MFRP: variants seen among roughly 807,000 people sequenced by gnomAD.
The protein encoded by MFRP is membrane frizzled-related protein.
In MFRP, 74 loss-of-function variants were observed where a neutral mutation model predicts 65.8. The ratio of observed to expected loss-of-function variants is 1.12; its 90% CI spans 0.93 to 1.36. The LOEUF is 1.36. Ranked by LOEUF, MFRP falls within the 40% of genes most tolerant of loss-of-function variation. MFRP has a pLI of 0.00. For synonymous variants in MFRP, 336 were observed against 288.3 expected (o/e 1.17, Z -1.68); for missense variants, 838 against 736.0 (o/e 1.14, Z -1.60).
chr11:119,339,481 C>T lies in MFRP; in HGVS notation c.*1478G>A, dbSNP rs759871657. ...CCTCAGGCTCCAGCCTCACCATGGC[C>T]CCCCCCGAGAGCGAGGCTGGCTTGG... On this transcript the variant is annotated 3_prime_UTR_variant, in exon 15 of 15. Coordinates refer to ENST00000619721, the MANE Select transcript of MFRP (RefSeq NM_031433.4). The surrounding 1 kb of genome is among the most constrained non-coding windows in gnomAD (Gnocchi z 5.4). 2 of 1,613,748 alleles carry T rather than the reference C, an allele frequency of 1.2e-6. No individual in the cohort carries two copies. The highest frequency in any genetic ancestry group is 1.7e-6 in the Non-Finnish European group (2 of 1,179,990).
In MFRP at chr11:119,339,243, A is replaced by G; in HGVS notation, c.*1716T>C. On this transcript the variant is annotated 3_prime_UTR_variant, in exon 15 of 15. Transcript: ENST00000619721. This position sits in a 1 kb window ranked among gnomAD's most constrained non-coding sequence, Gnocchi z 5.4. ...CCTCCCTAGTCATTCACAATATTCC[A>G]GGGGGGCCAGCCCTCCTGGATGACC... 1 of 1,458,096 alleles carries G rather than the reference A, an allele frequency of 6.9e-7. No homozygotes were observed. The highest frequency in any genetic ancestry group is 9.3e-7 in the Non-Finnish European group (1 of 1,069,814). The allele number at this position is 1,458,096 out of a possible 1,614,324, so 90.3% of individuals were successfully genotyped here. A position where few individuals can be genotyped will look rare whatever the true frequency, so the allele number is the denominator to read the frequency against.
At position 119,339,229 on chromosome 11, in the gene MFRP, A is replaced by G; in HGVS notation, c.*1730T>C. The G allele has an allele frequency of 7.5e-7, 1 of 1,333,164 alleles. No individual in the cohort carries two copies. Among genetic ancestry groups the G allele is most frequent in the Non-Finnish European group, 1.0e-6 (1 of 965,272 alleles). 82.6% of individuals were successfully genotyped at this position (1,333,164 alleles called of 1,614,324 possible). On this transcript the variant is annotated 3_prime_UTR_variant, in exon 15 of 15. Coordinates refer to ENST00000619721, the MANE Select transcript of MFRP (RefSeq NM_031433.4). The surrounding 1 kb of genome is among the most constrained non-coding windows in gnomAD (Gnocchi z 5.4). ...AGTGCTCTACCCCACCTCCCTAGTC[A>G]TTCACAATATTCCAGGGGGGCCAGC...
In MFRP at chr11:119,341,617, G is replaced by T. The variant is rs1442940491; in HGVS notation, c.1671C>A (p.Gly557=). 2 of 1,612,848 alleles carry T rather than the reference G, an allele frequency of 1.2e-6. No individual in the cohort carries two copies. Among genetic ancestry groups the T allele is most frequent in the Non-Finnish European group, 1.7e-6 (2 of 1,180,012 alleles). The change falls in exon 13 of 15, where the codon GGC becomes GGA. Residue 557 remains glycine, a synonymous_variant. Transcript: ENST00000619721. ...TGTTGCAGTTGAAGGGCCAGGGGGT[G>T]CCCAGTAGTGCCAGGCCAGACTGGC... is the stretch of plus-strand genomic sequence containing the variant. ...HQCQSGLALL[G]TPWPFNCNRL...
rs1565291857 is a variant in MFRP, at chr11:119,340,714, A to G, written c.*834T>C. 2 of 387,952 alleles carry G rather than the reference A, an allele frequency of 5.2e-6. No individual in the cohort carries two copies. The highest frequency in any genetic ancestry group is 9.3e-6 in the Non-Finnish European group (2 of 216,054). The allele number at this position is 387,952 out of a possible 1,614,324, so 24.0% of individuals were successfully genotyped here. On this transcript the variant is annotated 3_prime_UTR_variant, in exon 13 of 15. Coordinates refer to ENST00000619721, the MANE Select transcript of MFRP (RefSeq NM_031433.4). ...ACTCACCCCCCCTCCCGGCTCCCCGATGGCCTCCTTCGGGGCGCTCGCTAC... is the reference window on the plus strand; with the variant it reads ...ACTCACCCCCCCTCCCGGCTCCCCGGTGGCCTCCTTCGGGGCGCTCGCTAC...
chr11:119,343,705 G>C, intron 9 of MFRP, 111 bp downstream of exon 9: 1 of 1,375,360 alleles, frequency 7.3e-7, no homozygotes, highest in Non-Finnish European at 1.0e-6. Context: ...CCGGCCTGGA[G>C]TAGCAGAAGA....
chr11:119,340,332 G>A lies in MFRP; in HGVS notation c.*962C>T, dbSNP rs761587369. On this transcript the variant is annotated 3_prime_UTR_variant, in exon 14 of 15. Transcript: ENST00000619721. ...GCCCCGGGCAGAGGCTGGGGATCTT[G>A]TTGTCGTCCAGTGGGGGCGAGCCGG... 2.7e-5 allele frequency: 41 copies of A among 1,543,190 alleles called. No individual in the cohort carries two copies. Among genetic ancestry groups the A allele is most frequent in the Non-Finnish European group, 3.5e-5 (40 of 1,145,152 alleles).
intron 14 of MFRP, among the ~76,000 whole-genome samples, 165 bp from the exon 15 acceptor site, chr11:119,340,013 G>A (rs1410935702): frequency 6.6e-6 from 1 of 152,196 alleles, no homozygotes; most frequent in Non-Finnish European, 1.5e-5. Context: ...GCAGATCTGG[G>A]GGGCTGGCCA....
chr11:119,341,514 A>T lies in MFRP; in HGVS notation c.*34T>A, dbSNP rs1950502156. 6.4e-7 allele frequency: 1 copy of T among 1,567,010 alleles called. No individual in the cohort carries two copies. The highest frequency in any genetic ancestry group is 1.4e-5 in the African/African-American group (1 of 73,926). On this transcript the variant is annotated 3_prime_UTR_variant, in exon 13 of 15. Transcript: ENST00000619721. Reference sequence around the variant, plus strand: ...TGCCAGCCCTGACCGGCAAAAGAGGACGGGCAGGAAGAGGGCAGGGGCCGG... The same window carrying T: ...TGCCAGCCCTGACCGGCAAAAGAGGTCGGGCAGGAAGAGGGCAGGGGCCGG...
Position 119,341,384 on chromosome 11 carries a change from A to C in MFRP, c.*164T>G. 9.6e-6 allele frequency: 6 copies of C among 625,062 alleles called. No individual in the cohort carries two copies. The highest frequency in any genetic ancestry group is 3.9e-5 in the South Asian group (2 of 51,174). 38.7% of individuals were successfully genotyped at this position (625,062 alleles called of 1,614,324 possible). The stretch of plus-strand genomic sequence containing the variant: ...GACAGGAAGGAGCAGGGAGGGTGGT[A>C]GGGTCCCATGAGCCCCAGCTGAGGA... On this transcript the variant is annotated 3_prime_UTR_variant, in exon 13 of 15. Transcript: ENST00000619721.
chr11:119,340,820 C>A lies in MFRP; in HGVS notation c.*728G>T, dbSNP rs550711608. 3.0e-4 allele frequency: 66 copies of A among 220,272 alleles called. 2 individuals are homozygous for A. The South Asian group carries it at 4.3e-3, about 14-fold the overall frequency. The allele number at this position is 220,272 out of a possible 1,614,324, so 13.6% of individuals were successfully genotyped here. A position where few individuals can be genotyped will look rare whatever the true frequency, so the allele number is the denominator to read the frequency against. ...CCCCCTGCCCTGCCGTCACCCCAGT[C>A]CTGGTTCGCTCCCTGCCGGCTCCGC... On this transcript the variant is annotated 3_prime_UTR_variant, in exon 13 of 15. Transcript: ENST00000619721.
At chr11:119,344,162 G>C (rs1020714827) in intron 8 of MFRP, among the ~76,000 whole-genome samples, 153 bp downstream of exon 8, 2 of 151,954 alleles carry the variant, frequency 1.3e-5, no homozygotes, top group Non-Finnish European at 2.9e-5. Context: ...TACACAGCAG[G>C]CACTTAATAA....
Position 119,344,867 on chromosome 11 carries a change from C to G in MFRP, c.772+7G>C. ...GACACTCAACAGGCAGGTGGGAACA[C>G]ACTCACCGCGCCCAGGGGCCATAGC... is the stretch of plus-strand genomic sequence containing the variant. On this transcript the variant is annotated splice_region_variant and intron_variant, in intron 6 of 14. Coordinates refer to ENST00000619721, the MANE Select transcript of MFRP (RefSeq NM_031433.4). 6.2e-7 allele frequency: 1 copy of G among 1,613,274 alleles called. No homozygotes were observed. Among genetic ancestry groups the G allele is most frequent in the Non-Finnish European group, 8.5e-7 (1 of 1,179,968 alleles).
chr11:119,346,184 G>C, intron 2 of MFRP, 25 bp from the exon 3 acceptor site: 1 of 1,571,884 alleles, frequency 6.4e-7, no homozygotes, highest in Non-Finnish European at 8.6e-7. Flanking sequence ...GTGGGGTTTT[G>C]AAAGCCCCTT....
At position 119,339,987 on chromosome 11, in the gene MFRP, C is replaced by T. The variant is rs1414652828; in HGVS notation, c.*1111-139G>A. On this transcript the variant is annotated intron_variant, in intron 14 of 14. Coordinates refer to ENST00000619721, the MANE Select transcript of MFRP (RefSeq NM_031433.4). This position sits in a 1 kb window ranked among gnomAD's most constrained non-coding sequence, Gnocchi z 5.4. ...CCTCCTCCCGCACGGGTACCTCCTC[C>T]ACCCCTTCCCGCAGGGCAGATCTGG... 18 of 1,306,268 alleles carry T rather than the reference C, an allele frequency of 1.4e-5. No homozygotes were observed. Among genetic ancestry groups the T allele is most frequent in the Middle Eastern group, 2.8e-4 (1 of 3,628 alleles). 80.9% of individuals were successfully genotyped at this position (1,306,268 alleles called of 1,614,324 possible).
Position 119,339,931 on chromosome 11 carries a change from C to T in MFRP, c.*1111-83G>A, listed in dbSNP as rs1950483323. On this transcript the variant is annotated intron_variant, in intron 14 of 14. Coordinates refer to ENST00000619721, the MANE Select transcript of MFRP (RefSeq NM_031433.4). The surrounding 1 kb of genome is among the most constrained non-coding windows in gnomAD (Gnocchi z 5.4). ...CGGCGACTCTAAGGTCACCGTACCC[C>T]TCCCCGCCCCTGCCTGAGCTTCGGC... 3 of 1,402,418 alleles carry T rather than the reference C, an allele frequency of 2.1e-6. No individual in the cohort carries two copies. Among genetic ancestry groups the T allele is most frequent in the Non-Finnish European group, 2.8e-6 (3 of 1,080,210 alleles). 86.9% of individuals were successfully genotyped at this position (1,402,418 alleles called of 1,614,324 possible).
Position 119,344,348 on chromosome 11 carries a change from A to T in MFRP, c.942T>A (p.Thr314=), listed in dbSNP as rs1444561086. ...GAGGGTACTGCTGCAGGTAGCTGGG[A>T]GTAGAGAAAGTGCCCTGGAGGCCAG... ...NLTGLQGTFS[T]PSYLQQYPHQ... The change falls in exon 8 of 15, where the codon ACT becomes ACA. Residue 314 remains threonine (T), a synonymous_variant. Transcript: ENST00000619721. 3 of 1,613,670 alleles carry T rather than the reference A, an allele frequency of 1.9e-6. No individual in the cohort carries two copies. Among genetic ancestry groups the T allele is most frequent in the Admixed American group, 3.3e-5 (2 of 59,962 alleles).
At chr11:119,342,208 A>G (rs1294874618) in intron 11 of MFRP, among the ~76,000 whole-genome samples, 1 of 152,206 alleles carries the variant, frequency 6.6e-6, no homozygotes, top group Non-Finnish European at 1.5e-5. Context: ...TCATGCAGGC[A>G]CGTCTTTAAT....
rs770325735 is a variant in MFRP at position 119,339,540 on chromosome 11, T to A, written c.*1419A>T. On this transcript the variant is annotated 3_prime_UTR_variant, in exon 15 of 15. Coordinates refer to ENST00000619721, the MANE Select transcript of MFRP (RefSeq NM_031433.4). This position sits in a 1 kb window ranked among gnomAD's most constrained non-coding sequence, Gnocchi z 5.4. ...CCGAAAAACTGGAAGAAAGAGGCAA[T>A]GGATTCGCCATTCTTCACCAGATCA... The A allele has an allele frequency of 6.2e-7, 1 of 1,611,334 alleles. No individual in the cohort carries two copies. Among genetic ancestry groups the A allele is most frequent in the Non-Finnish European group, 8.5e-7 (1 of 1,179,804 alleles).
chr11:119,343,745 G>A (rs928997666), intron 9 of MFRP, 71 bp downstream of exon 9: 13 of 1,585,198 alleles, frequency 8.2e-6, no homozygotes, highest in East Asian at 4.5e-5. Context: ...AATGTGCTGG[G>A]CCGACATGGA....
Sources: allele counts gnomAD v4.1 joint callset (sites outside exome capture counted in the v4.1 genomes callset), GRCh38; gene constraint gnomAD v4.1.1; non-coding constraint Gnocchi (gnomAD v3.1); transcripts MANE v1.5; gene names NCBI Gene and HGNC (gene_info 2026-07-23, HGNC 2026-07-21).